The following RNF214 variants were observed in gnomAD, a reference collection of about 807,000 sequenced individuals.
The protein encoded by RNF214 is ring finger protein 214.
A neutral mutation model predicts 75.9 loss-of-function variants in RNF214; 25 were observed. The observed-to-expected ratio is 0.33, with a 90% CI of 0.24 to 0.46. The LOEUF (loss-of-function observed/expected upper bound fraction) is 0.46. Among genes scored for constraint, RNF214 ranks in the 20% least tolerant of loss-of-function variants. The probability of loss-of-function intolerance (pLI) is 1.00; values close to 1 mark genes in which losing one functional copy is unlikely to be tolerated. For synonymous variants in RNF214, 314 were observed against 308.8 expected (o/e 1.02, Z -0.18); for missense variants, 725 against 857.5 (o/e 0.85, Z 1.93).
At chr11:117,270,087 A>G (rs757371225) in intron 6 of RNF214, among the ~76,000 whole-genome samples, 56 of 152,198 alleles carry the variant, frequency 3.7e-4, no homozygotes, top group Non-Finnish European at 3.4e-4. Flanking sequence ...TTTTGCAGAG[A>G]TAAGAATTTT....
Position 117,238,519 on chromosome 11 carries a change from GT to G in RNF214, c.108-79del. ...TTCTTTCATTATGATAGTCGGGAGG[GT>G]TTACGTAGTCTAGTTTTGTTCTTCT... On this transcript the variant is annotated intron_variant, in intron 2 of 14. Transcript: ENST00000300650. 2.5e-6 allele frequency: 3 copies of G among 1,223,536 alleles called. No homozygotes were observed. The South Asian group carries it at 4.4e-5, about 18-fold the overall frequency. The allele number at this position is 1,223,536 out of a possible 1,614,324, so 75.8% of individuals were successfully genotyped here. A position where few individuals can be genotyped will look rare whatever the true frequency, so the allele number is the denominator to read the frequency against.
At chr11:117,242,381 A>G (rs1281963293) in intron 4 of RNF214, among the ~76,000 whole-genome samples, 3 of 152,230 alleles carry the variant, frequency 2.0e-5, no homozygotes, top group Non-Finnish European at 4.4e-5. Context: ...TACATTAACC[A>G]GATGAAGCCA....
rs1447438915 is a variant in RNF214 at position 117,243,313 on chromosome 11, A to G, written c.679-1132A>G. Reference sequence around the variant, plus strand: ...AGGCATGTGCCACCATGCCTGGCTAATTTTGTATTTTTAGTAGAGATGGGA... The same window carrying G: ...AGGCATGTGCCACCATGCCTGGCTAGTTTTGTATTTTTAGTAGAGATGGGA... On this transcript the variant is annotated intron_variant, in intron 4 of 14. Coordinates refer to ENST00000300650, the MANE Select transcript of RNF214 (RefSeq NM_207343.4). Among the ~76,000 whole-genome samples, 3 of 151,918 alleles carry G rather than the reference A, an allele frequency of 2.0e-5. No individual in the cohort carries two copies. The East Asian group carries it at 5.8e-4, about 29-fold the overall frequency.
rs568687786 is a variant in RNF214 at position 117,242,409 on chromosome 11, G to C, written c.679-2036G>C. Among the ~76,000 whole-genome samples, 6 of 152,306 alleles carry C rather than the reference G, an allele frequency of 3.9e-5. No homozygotes were observed. In the East Asian group the frequency reaches 1.2e-3, roughly 29 times the overall value. On this transcript the variant is annotated intron_variant, in intron 4 of 14. Transcript: ENST00000300650. Reference sequence around the variant, plus strand: ...TGAAGCCAAGAAAAGTTTTAAAATAGAGACTAGCAACTTGGGACTTAATTG... The same window carrying C: ...TGAAGCCAAGAAAAGTTTTAAAATACAGACTAGCAACTTGGGACTTAATTG...
In RNF214 at chr11:117,261,938, A is replaced by G. The variant is rs138953353; in HGVS notation, c.959+14990A>G. Reference sequence around the variant, plus strand: ...TGGGATTACAGGTGTGAGCCACCACACCTGGCCCATTGATTTATTTTTTTC... The same window carrying G: ...TGGGATTACAGGTGTGAGCCACCACGCCTGGCCCATTGATTTATTTTTTTC... On this transcript the variant is annotated intron_variant, in intron 6 of 14. Coordinates refer to ENST00000300650, the MANE Select transcript of RNF214 (RefSeq NM_207343.4). Among the ~76,000 whole-genome samples, 311 of 151,100 alleles carry G rather than the reference A, an allele frequency of 2.1e-3. 1 individual carries two copies. Among genetic ancestry groups the G allele is most frequent in the African/African-American group, 7.3e-3 (301 of 41,084 alleles).
intron 6 of RNF214, among the ~76,000 whole-genome samples, chr11:117,268,813 C>G (rs544689108): frequency 1.3e-5 from 2 of 152,158 alleles, no homozygotes; most frequent in Non-Finnish European, 2.9e-5. Context: ...TCTTCTGATT[C>G]ATGAACATGG....
At chr11:117,249,733 T>C (rs1195124524) in intron 6 of RNF214, among the ~76,000 whole-genome samples, 4 of 152,204 alleles carry the variant, frequency 2.6e-5, no homozygotes, top group Admixed American at 6.5e-5. Context: ...ACAGCTGCCT[T>C]CTTCTGGTCT....
chr11:117,257,490 A>G (rs1263645226), intron 6 of RNF214, among the ~76,000 whole-genome samples: 4 of 152,248 alleles, frequency 2.6e-5, no homozygotes, highest in Non-Finnish European at 5.9e-5. Context: ...GGGTGAAGTC[A>G]TACATTTGAT....
chr11:117,238,229 G>A lies in RNF214; in HGVS notation c.108-372G>A, dbSNP rs531479340. Among the ~76,000 whole-genome samples the A allele has an allele frequency of 2.0e-5, 3 of 152,240 alleles. No homozygotes were observed. The East Asian group carries it at 5.8e-4, about 29-fold the overall frequency. The stretch of plus-strand genomic sequence containing the variant: ...AGTTCGAGACCAGCCTGGGCAACAT[G>A]GCAAAACCGTGCAAAAAATACAAAA... On this transcript the variant is annotated intron_variant, in intron 2 of 14. Coordinates refer to ENST00000300650, the MANE Select transcript of RNF214 (RefSeq NM_207343.4).
intron 4 of RNF214, among the ~76,000 whole-genome samples, chr11:117,241,408 C>T (rs1480785341): frequency 6.6e-6 from 1 of 151,774 alleles, no homozygotes; most frequent in African/African-American, 2.4e-5. Context: ...GGTGAAACCC[C>T]ATCTCTACTA....
chr11:117,236,502 G>C (rs1051905085), intron 2 of RNF214, among the ~76,000 whole-genome samples: 1 of 151,746 alleles, frequency 6.6e-6, no homozygotes, highest in Non-Finnish European at 1.5e-5. Context: ...TCGATCTTCC[G>C]ACCTTGTGAT....
intron 6 of RNF214, among the ~76,000 whole-genome samples, chr11:117,265,927 A>G (rs1456802230): frequency 6.6e-6 from 1 of 152,092 alleles, no homozygotes; most frequent in East Asian, 1.9e-4. Flanking sequence ...TCCTAAGTAA[A>G]CACTGAGCTG....
At chr11:117,271,797 CAA>C (rs1273472967) in intron 6 of RNF214, among the ~76,000 whole-genome samples, 2 of 152,126 alleles carry the variant, frequency 1.3e-5, no homozygotes, top group Non-Finnish European at 2.9e-5. Context: ...AATGACAGAA[CAA>C]AGTTTGAGGT....
chr11:117,280,955 T>C (rs1239280692), intron 8 of RNF214, among the ~76,000 whole-genome samples: 3 of 150,738 alleles, frequency 2.0e-5, no homozygotes, highest in Non-Finnish European at 2.9e-5. Context: ...ATTTTGCTTT[T>C]GCTATCTCAG....
intron 6 of RNF214, among the ~76,000 whole-genome samples, chr11:117,273,637 A>G (rs2033954295): frequency 6.6e-6 from 1 of 152,206 alleles, no homozygotes; most frequent in Non-Finnish European, 1.5e-5. Flanking sequence ...GAAAGAGTTT[A>G]ATGATTGCAG....
At chr11:117,237,849 T>C (rs2032953486) in intron 2 of RNF214, among the ~76,000 whole-genome samples, 2 of 152,124 alleles carry the variant, frequency 1.3e-5, no homozygotes, top group Non-Finnish European at 2.9e-5. Context: ...TGGAAAACTG[T>C]TGAAGAACCT....
chr11:117,280,808 GA>G (rs2034111499), intron 8 of RNF214, among the ~76,000 whole-genome samples: 1 of 152,130 alleles, frequency 6.6e-6, no homozygotes, highest in Non-Finnish European at 1.5e-5. Context: ...AGGCAGACAA[GA>G]ACCCTCTCTC....
chr11:117,265,971 A>G (rs2033787648), intron 6 of RNF214, among the ~76,000 whole-genome samples: 1 of 152,160 alleles, frequency 6.6e-6, no homozygotes, highest in Admixed American at 6.6e-5. Flanking sequence ...TATCTTTTCT[A>G]AAGATTTGTA....
intron 2 of RNF214, among the ~76,000 whole-genome samples, chr11:117,237,053 C>T (rs546144169): frequency 6.6e-6 from 1 of 152,112 alleles, no homozygotes; most frequent in Non-Finnish European, 1.5e-5. Flanking sequence ...ACAGTTAACT[C>T]CCAGCAGGAA....
Sources: allele counts gnomAD v4.1 joint callset (sites outside exome capture counted in the v4.1 genomes callset), GRCh38; gene constraint gnomAD v4.1.1; transcripts MANE v1.5; gene names NCBI Gene and HGNC (gene_info 2026-07-23, HGNC 2026-07-21).